STXBP5L: variants seen among roughly 807,000 people sequenced by gnomAD.
STXBP5L encodes syntaxin-binding protein 5-like.
Under a neutral mutation model 144.5 loss-of-function variants are expected in STXBP5L, and 65 were observed. That is an observed-to-expected ratio of 0.45 (90% CI 0.37 to 0.55). The LOEUF (loss-of-function observed/expected upper bound fraction) is 0.55. Ranked by LOEUF, STXBP5L falls within the 20% of genes least tolerant of loss-of-function variation. STXBP5L has a pLI of 0.00. For synonymous variants in STXBP5L, 505 were observed against 469.6 expected (o/e 1.08, Z -0.97); for missense variants, 1,298 against 1,405.5 (o/e 0.92, Z 1.22).
intron 5 of STXBP5L, among the ~76,000 whole-genome samples, chr3:121,114,068 A>G (rs1445276903): frequency 6.6e-6 from 1 of 152,146 alleles, no homozygotes; most frequent in Non-Finnish European, 1.5e-5. Flanking sequence ...CTGACAAGAG[A>G]TAACTATGAA....
intron 3 of STXBP5L, among the ~76,000 whole-genome samples, chr3:120,971,302 TG>T (rs1266425251): frequency 5.3e-5 from 8 of 151,986 alleles, no homozygotes; most frequent in African/African-American, 1.9e-4. Flanking sequence ...GTGGAGAAAT[TG>T]AGGATTTTGT....
At chr3:121,090,454 T>C (rs17248325) in intron 5 of STXBP5L, among the ~76,000 whole-genome samples, 19,897 of 152,216 alleles carry the variant, frequency 0.13, 1,624 homozygotes, top group Non-Finnish European at 0.19. Context: ...ATTCAGAAAT[T>C]GAAATATTTT....
At chr3:121,016,077 C>G (rs1945125936) in intron 3 of STXBP5L, among the ~76,000 whole-genome samples, 1 of 152,188 alleles carries the variant, frequency 6.6e-6, no homozygotes, top group Admixed American at 6.5e-5. Flanking sequence ...TTTGAAGTCT[C>G]TGGCATATAT....
chr3:121,396,823 A>T (rs1249999778), intron 22 of STXBP5L, among the ~76,000 whole-genome samples: 2 of 152,240 alleles, frequency 1.3e-5, no homozygotes, highest in Non-Finnish European at 2.9e-5. Context: ...ATGAGCCCTA[A>T]TGTGAGTGAT....
At chr3:121,367,956 C>G (rs899739627) in intron 20 of STXBP5L, among the ~76,000 whole-genome samples, 1 of 151,728 alleles carries the variant, frequency 6.6e-6, no homozygotes, top group African/African-American at 2.4e-5. Context: ...CAATGTGAGT[C>G]TTTTTGAGTT....
intron 20 of STXBP5L, among the ~76,000 whole-genome samples, chr3:121,344,241 A>C (rs949384291): frequency 2.0e-5 from 3 of 152,066 alleles, no homozygotes; most frequent in Non-Finnish European, 4.4e-5. Context: ...CTTATACAAA[A>C]ATTAATTCAA....
At chr3:121,001,313 A>T (rs1943756200) in intron 3 of STXBP5L, among the ~76,000 whole-genome samples, 1 of 152,232 alleles carries the variant, frequency 6.6e-6, no homozygotes, top group South Asian at 2.1e-4. Context: ...ATCTGAGGCT[A>T]CACTGCAAGT....
At chr3:121,214,088 C>T (rs2108265427) in intron 10 of STXBP5L, among the ~76,000 whole-genome samples, 1 of 152,038 alleles carries the variant, frequency 6.6e-6, no homozygotes, top group Non-Finnish European at 1.5e-5. Context: ...CTATTTGATT[C>T]ATCTCATTTT....
chr3:120,977,358 G>A (rs995486839), intron 3 of STXBP5L, among the ~76,000 whole-genome samples: 7 of 152,130 alleles, frequency 4.6e-5, no homozygotes, highest in African/African-American at 1.7e-4. Context: ...TCAGAGAGTA[G>A]GATTGCAACC....
intron 2 of STXBP5L, among the ~76,000 whole-genome samples, chr3:120,936,308 T>A (rs1576446529): frequency 6.6e-6 from 1 of 152,182 alleles, no homozygotes; most frequent in African/African-American, 2.4e-5. Context: ...ATTTAAAAAA[T>A]CTCTGTCATG....
At chr3:121,044,010 G>A (rs998431210) in intron 4 of STXBP5L, among the ~76,000 whole-genome samples, 1 of 151,960 alleles carries the variant, frequency 6.6e-6, no homozygotes, top group African/African-American at 2.4e-5. Context: ...TAAATTTCTC[G>A]TTTGTTTATA....
intron 5 of STXBP5L, among the ~76,000 whole-genome samples, chr3:121,089,108 A>T (rs1255261095): frequency 8.8e-6 from 1 of 113,628 alleles, no homozygotes; most frequent in African/African-American, 3.6e-5. Flanking sequence ...AAAAAAAAAA[A>T]AAAAAAAAAA....
In STXBP5L at chr3:121,228,864, G is replaced by A. The variant is rs138047667; in HGVS notation, c.1112-4752G>A. On this transcript the variant is annotated intron_variant, in intron 11 of 26. Transcript: ENST00000471454. ...TGCACTCCAACCTGGGCGATAGAGT[G>A]AGACTCCGTCTCAGAAAAGAAAAGA... Among the ~76,000 whole-genome samples the A allele has an allele frequency of 2.5e-4, 38 of 152,284 alleles. No individual in the cohort carries two copies. The East Asian group carries it at 6.0e-3, about 24-fold the overall frequency.
chr3:121,297,740 T>A (rs1009365581), intron 19 of STXBP5L, among the ~76,000 whole-genome samples: 2 of 152,002 alleles, frequency 1.3e-5, no homozygotes, highest in Non-Finnish European at 2.9e-5. Context: ...CGCGACAGAG[T>A]GAGACTCTGC....
intron 20 of STXBP5L, among the ~76,000 whole-genome samples, chr3:121,352,122 C>T (rs185844608): frequency 6.6e-6 from 1 of 152,216 alleles, no homozygotes; most frequent in Admixed American, 6.5e-5. Flanking sequence ...TAGCATGATG[C>T]CTCCAGCTTT....
chr3:121,129,915 G>A (rs1221864960), intron 7 of STXBP5L, among the ~76,000 whole-genome samples: 1 of 152,006 alleles, frequency 6.6e-6, no homozygotes, highest in Non-Finnish European at 1.5e-5. Context: ...AGGGTCTGGG[G>A]CATACAGAGC....
chr3:121,068,669 A>T (rs2041663285), intron 5 of STXBP5L, among the ~76,000 whole-genome samples: 1 of 151,966 alleles, frequency 6.6e-6, no homozygotes, highest in Admixed American at 6.6e-5. Context: ...TTATTTTCAC[A>T]TCCGTTTTAA....
intron 3 of STXBP5L, among the ~76,000 whole-genome samples, chr3:121,025,118 C>G (rs1387839752): frequency 6.6e-6 from 1 of 152,092 alleles, no homozygotes; most frequent in African/African-American, 2.4e-5. Flanking sequence ...CCACCCAACT[C>G]AATTAATAAG....
chr3:121,349,401 G>T (rs1392098128), intron 20 of STXBP5L, among the ~76,000 whole-genome samples: 1 of 150,088 alleles, frequency 6.7e-6, no homozygotes, highest in East Asian at 1.9e-4. Flanking sequence ...TTTGGAATAG[G>T]TGTGGTGTGG....
Sources: gnomAD v4.1 joint callset for allele counts (sites outside exome capture counted in the v4.1 genomes callset) on GRCh38, gnomAD v4.1.1 for gene constraint, MANE v1.5 for transcripts, NCBI Gene and HGNC (gene_info 2026-07-23, HGNC 2026-07-21) for gene names.